Variants in SHANK2 observed in about 807,000 individuals in gnomAD.
SHANK2 encodes SH3 and multiple ankyrin repeat domains 2.
A neutral mutation model predicts 133.7 loss-of-function variants in SHANK2; 43 were observed. That is an observed-to-expected ratio of 0.32 (90% CI 0.25 to 0.41). The LOEUF (loss-of-function observed/expected upper bound fraction) is 0.41. Among genes scored for constraint, SHANK2 ranks in the 10% least tolerant of loss-of-function variants. SHANK2 has a pLI of 1.00. For synonymous variants in SHANK2, 1,017 were observed against 952.8 expected, an observed-to-expected ratio of 1.07 and a Z score of -1.24; for missense variants, 1,994 against 2,235.8, an observed-to-expected ratio of 0.89 and a Z score of 2.18.
intron 13 of SHANK2, among the ~76,000 whole-genome samples, chr11:70,798,996 C>G (rs1379899751): frequency 2.0e-5 from 3 of 152,074 alleles, no homozygotes; most frequent in Non-Finnish European, 4.4e-5. Context: ...TGAGGTCGTA[C>G]CTTCCCCTCC....
rs868976099 is a variant in SHANK2, at chr11:70,473,650, C to T, written c.4980-211G>A. The T allele has an allele frequency of 2.8e-5, 18 of 648,564 alleles. 1 individual carries two copies. The highest frequency in any genetic ancestry group is 7.9e-4 in the Middle Eastern group (2 of 2,534). The allele number at this position is 648,564 out of a possible 1,614,324, so 40.2% of individuals were successfully genotyped here. A position where few individuals can be genotyped will look rare whatever the true frequency, so the allele number is the denominator to read the frequency against. On this transcript the variant is annotated intron_variant, in intron 25 of 25. Transcript: ENST00000601538. This position sits in a 1 kb window ranked among gnomAD's most constrained non-coding sequence, Gnocchi z 5.9. ...CAAAGTTGGAGACACCAGAGCACAC[C>T]ACGTCAGCCCACTCACCTGAACTGG...
intron 17 of SHANK2, among the ~76,000 whole-genome samples, chr11:70,657,545 A>T (rs2061419008): frequency 3.3e-5 from 5 of 152,204 alleles, no homozygotes; most frequent in Admixed American, 2.6e-4. Flanking sequence ...AGGAGCCAGG[A>T]TCGTGCAAGG....
intron 14 of SHANK2, among the ~76,000 whole-genome samples, chr11:70,761,266 T>C (rs377236662): frequency 2.0e-5 from 3 of 152,234 alleles, no homozygotes; most frequent in East Asian, 3.9e-4. Flanking sequence ...GTGCCCTTAC[T>C]AGGAGAGATA....
intron 3 of SHANK2, among the ~76,000 whole-genome samples, chr11:71,133,291 C>A (rs1480587014): frequency 2.7e-5 from 3 of 111,298 alleles, no homozygotes; most frequent in Non-Finnish European, 5.4e-5. Flanking sequence ...GCCGGCCGGA[C>A]GGCTGGCTGG....
At chr11:71,241,449 C>T (rs1208665382) in intron 1 of SHANK2, among the ~76,000 whole-genome samples, 2 of 152,174 alleles carry the variant, frequency 1.3e-5, no homozygotes, top group African/African-American at 2.4e-5. Context: ...CAAACAAACA[C>T]GTACCTTCGC....
At chr11:71,143,237 A>AAAAC (rs200534791) in intron 3 of SHANK2, among the ~76,000 whole-genome samples, 6,695 of 152,144 alleles carry the variant, frequency 0.044, 269 homozygotes, top group African/African-American at 0.11. Context: ...TCCATCTCAA[A>AAAAC]AAACAAACAA....
chr11:70,556,371 TTCTC>T (rs1304686461), intron 17 of SHANK2, among the ~76,000 whole-genome samples: 1 of 144,354 alleles, frequency 6.9e-6, no homozygotes, highest in African/African-American at 2.6e-5. Context: ...CACATTTATT[TTCTC>T]TCTGTCTCTT....
At chr11:70,917,726 C>A (rs1191452014) in intron 10 of SHANK2, among the ~76,000 whole-genome samples, 2 of 152,132 alleles carry the variant, frequency 1.3e-5, no homozygotes, top group African/African-American at 2.4e-5. Context: ...AAGCTCGAGG[C>A]CATTATCCTT....
At chr11:70,814,221 A>C (rs1948339396) in intron 12 of SHANK2, among the ~76,000 whole-genome samples, 1 of 152,096 alleles carries the variant, frequency 6.6e-6, no homozygotes, top group East Asian at 1.9e-4. Flanking sequence ...CTACCTGGGA[A>C]GCTGAGGCAG....
intron 17 of SHANK2, among the ~76,000 whole-genome samples, chr11:70,526,090 A>G (rs1364569455): frequency 6.6e-6 from 1 of 150,926 alleles, no homozygotes; most frequent in East Asian, 2.0e-4. Flanking sequence ...CCTGGTAGCA[A>G]TAAGACACCA....
intron 14 of SHANK2, among the ~76,000 whole-genome samples, chr11:70,797,885 T>C (rs1352652707): frequency 6.6e-6 from 1 of 150,956 alleles, no homozygotes; most frequent in Non-Finnish European, 1.5e-5. Flanking sequence ...TACCATTTTA[T>C]ATAAGTGGTC....
At chr11:70,692,165 G>A (rs189364253) in intron 15 of SHANK2, among the ~76,000 whole-genome samples, 20 of 152,176 alleles carry the variant, frequency 1.3e-4, no homozygotes, top group African/African-American at 3.4e-4. Context: ...AAATAATGGC[G>A]GAGGAAGAAT....
intron 12 of SHANK2, among the ~76,000 whole-genome samples, chr11:70,812,682 C>T (rs1948304124): frequency 1.3e-5 from 2 of 152,220 alleles, no homozygotes; most frequent in African/African-American, 2.4e-5. Flanking sequence ...ACCTCTGCAG[C>T]CCAGGGAGAA....
intron 17 of SHANK2, among the ~76,000 whole-genome samples, chr11:70,624,577 G>A (rs1436897879): frequency 3.3e-5 from 5 of 151,358 alleles, no homozygotes; most frequent in Non-Finnish European, 7.4e-5. Flanking sequence ...TTCCCTTAAG[G>A]CAGCAGTCCT....
intron 17 of SHANK2, among the ~76,000 whole-genome samples, chr11:70,536,672 C>T (rs2136002835): frequency 6.6e-6 from 1 of 152,338 alleles, no homozygotes. Flanking sequence ...GCTTGGCTCT[C>T]ACTTCTTGAG....
intron 10 of SHANK2, among the ~76,000 whole-genome samples, chr11:70,931,971 T>G (rs1378251524): frequency 6.6e-6 from 1 of 152,184 alleles, no homozygotes; most frequent in African/African-American, 2.4e-5. Context: ...TAAGAAACAC[T>G]GAAAGAGCCT....
At chr11:70,615,397 A>T (rs1437827927) in intron 17 of SHANK2, among the ~76,000 whole-genome samples, 4 of 151,964 alleles carry the variant, frequency 2.6e-5, no homozygotes, top group African/African-American at 9.7e-5. Context: ...ACCCCGAGAG[A>T]GGGAGGGCTG....
At chr11:70,635,164 C>T (rs1199082201) in intron 17 of SHANK2, 8 of 152,202 alleles carry the variant, frequency 5.3e-5, no homozygotes, top group African/African-American at 1.9e-4. Flanking sequence ...AAACCTTAAA[C>T]ACAGAACGAG....
intron 4 of SHANK2, among the ~76,000 whole-genome samples, chr11:71,116,871 A>G (rs7481450): frequency 0.58 from 87,489 of 151,852 alleles, 25,339 homozygotes; most frequent in South Asian, 0.68. Flanking sequence ...CCCTCTTGCC[A>G]CCTAACATCT....
Sources: allele counts gnomAD v4.1 joint callset (sites outside exome capture counted in the v4.1 genomes callset), GRCh38; gene constraint gnomAD v4.1.1; non-coding constraint Gnocchi (gnomAD v3.1); transcripts MANE v1.5; gene names NCBI Gene and HGNC (gene_info 2026-07-23, HGNC 2026-07-21).